The following TPTE2 variants were observed in gnomAD, a reference collection of about 807,000 sequenced individuals.
TPTE2 encodes the protein phosphatidylinositol 3,4,5-trisphosphate 3-phosphatase TPTE2.
A neutral mutation model predicts 78.6 loss-of-function variants in TPTE2; 53 were observed. The ratio of observed to expected loss-of-function variants is 0.67; its 90% CI spans 0.54 to 0.85. The LOEUF is 0.85. TPTE2 is among the 40% of genes least tolerant of loss of function. The pLI, the probability that TPTE2 is intolerant of heterozygous loss-of-function variation, is 0.00. For missense variants in TPTE2, 461 were observed against 623.0 expected (o/e 0.74, Z 2.77); for synonymous variants, 175 against 206.2 (o/e 0.85, Z 1.30).
At chr13:19,546,390 A>G in the TPTE2 span, among the ~76,000 whole-genome samples, 3 of 152,192 alleles carry the variant, frequency 2.0e-5, no homozygotes, top group South Asian at 6.2e-4. Flanking sequence ...CACGCCTGTA[A>G]TCCCAACACT....
chr13:19,475,226 T>C (rs1473082569), intron 5 of TPTE2, among the ~76,000 whole-genome samples: 3 of 152,100 alleles, frequency 2.0e-5, no homozygotes, highest in Non-Finnish European at 4.4e-5. Flanking sequence ...TCATATATTT[T>C]TTTTTCTTTT....
intron 1 of TPTE2, among the ~76,000 whole-genome samples, chr13:19,531,025 A>G (rs1051366518): frequency 1.3e-5 from 2 of 152,008 alleles, no homozygotes; most frequent in African/African-American, 4.8e-5. Context: ...CCCTACCCCT[A>G]TCCCCTGGAA....
chr13:19,546,483 CTTTT>C, the TPTE2 span, among the ~76,000 whole-genome samples: 7 of 85,042 alleles, frequency 8.2e-5, 1 homozygote, highest in South Asian at 2.5e-3. Flanking sequence ...TTTTCTTTTT[CTTTT>C]TTTTTTTTTT....
At chr13:19,514,023 GAGGGACAGATAC>G (rs1347874619) in intron 1 of TPTE2, among the ~76,000 whole-genome samples, 1 of 152,112 alleles carries the variant, frequency 6.6e-6, no homozygotes, top group Non-Finnish European at 1.5e-5. Context: ...TCTGAAGGGT[GAGGGACAGATAC>G]AGGGTCTCTT....
At chr13:19,498,694 A>G (rs898178401) in intron 1 of TPTE2, among the ~76,000 whole-genome samples, 16 of 152,202 alleles carry the variant, frequency 1.1e-4, no homozygotes, top group Non-Finnish European at 1.5e-4. Context: ...CTGCAAAATC[A>G]TGCCAAAACG....
intron 1 of TPTE2, among the ~76,000 whole-genome samples, chr13:19,533,230 A>G (rs1260844091): frequency 3.3e-5 from 5 of 152,218 alleles, no homozygotes; most frequent in Non-Finnish European, 5.9e-5. Context: ...GGACATACCC[A>G]GAGTCCTGTC....
At chr13:19,532,017 G>T (rs1166012126) in intron 1 of TPTE2, among the ~76,000 whole-genome samples, 1 of 152,200 alleles carries the variant, frequency 6.6e-6, no homozygotes, top group Non-Finnish European at 1.5e-5. Context: ...AGACAATAAA[G>T]AGTATGGCAT....
chr13:19,467,113 A>T, intron 7 of TPTE2, 112 bp downstream of exon 10: 1 of 1,296,394 alleles, frequency 7.7e-7, no homozygotes. Context: ...AAAGCAATGT[A>T]TTTGGTATAG....
At chr13:19,479,689 C>T (rs1319643864) in intron 4 of TPTE2, among the ~76,000 whole-genome samples, 3 of 152,036 alleles carry the variant, frequency 2.0e-5, no homozygotes, top group South Asian at 2.1e-4. Flanking sequence ...AGAGGCCAGG[C>T]GCGGTGGCTC....
At chr13:19,547,101 G>A in the TPTE2 span, among the ~76,000 whole-genome samples, 2 of 128,666 alleles carry the variant, frequency 1.6e-5, no homozygotes, top group East Asian at 2.6e-4. Flanking sequence ...AAAAAAAAAA[G>A]ATCACATACA....
intron 1 of TPTE2, among the ~76,000 whole-genome samples, chr13:19,516,501 C>T (rs1869802760): frequency 2.0e-5 from 3 of 152,208 alleles, no homozygotes; most frequent in East Asian, 1.9e-4. Flanking sequence ...CTCCAAAACA[C>T]TTTAGTTGAT....
intron 19 of TPTE2, among the ~76,000 whole-genome samples, chr13:19,423,418 G>A (rs1875757920): frequency 6.6e-6 from 1 of 152,148 alleles, no homozygotes; most frequent in African/African-American, 2.4e-5. Context: ...TGACATCCAA[G>A]TTTAATAAAA....
intron 1 of TPTE2, among the ~76,000 whole-genome samples, chr13:19,536,083 G>A (rs946376122): frequency 6.6e-6 from 1 of 152,050 alleles, no homozygotes; most frequent in Admixed American, 6.6e-5. Flanking sequence ...TTAAAAGAGG[G>A]ATTCCCTATT....
intron 10 of TPTE2, among the ~76,000 whole-genome samples, chr13:19,462,683 C>A (rs572342272): frequency 5.9e-5 from 9 of 151,748 alleles, no homozygotes; most frequent in African/African-American, 2.2e-4. Context: ...ACTGGAACTA[C>A]AGGTTCACGC....
the TPTE2 span, among the ~76,000 whole-genome samples, chr13:19,554,431 T>C: frequency 6.6e-6 from 1 of 151,428 alleles, no homozygotes. Context: ...AAATGAGGAT[T>C]GTATAGTTTG....
chr13:19,471,631 T>C (rs1335694624), intron 6 of TPTE2, among the ~76,000 whole-genome samples: 10 of 152,226 alleles, frequency 6.6e-5, no homozygotes, highest in Non-Finnish European at 1.0e-4. Context: ...ATACCATCTA[T>C]GTCTTGAAAA....
At chr13:19,492,864 T>C in exon 3 of TPTE2, 1 of 1,613,954 alleles carries the variant, frequency 6.2e-7, no homozygotes, top group Non-Finnish European at 8.5e-7. Context: ...TACTGATAGG[T>C]GACACCAGGG....
At chr13:19,471,901 T>TG (rs1214220849) in intron 6 of TPTE2, among the ~76,000 whole-genome samples, 12 of 152,278 alleles carry the variant, frequency 7.9e-5, no homozygotes, top group African/African-American at 2.9e-4. Flanking sequence ...GGAAAAGTCT[T>TG]TATTTCCCCT....
chr13:19,525,461 C>T (rs1410577495), intron 1 of TPTE2, among the ~76,000 whole-genome samples: 2 of 152,168 alleles, frequency 1.3e-5, no homozygotes, highest in Non-Finnish European at 2.9e-5. Flanking sequence ...ACTTCCTACT[C>T]AACAAATGGT....
Sources: allele counts gnomAD v4.1 joint callset (sites outside exome capture counted in the v4.1 genomes callset), GRCh38; gene constraint gnomAD v4.1.1; transcripts MANE v1.5; gene names NCBI Gene and HGNC (gene_info 2026-07-23, HGNC 2026-07-21).